Variants in HEPH observed in about 807,000 individuals in gnomAD.
HEPH encodes the protein hephaestin.
In HEPH, 69 loss-of-function variants were observed where a neutral mutation model predicts 80.8. That is an observed-to-expected ratio of 0.85 (90% CI 0.70 to 1.04). HEPH has a LOEUF of 1.04. Among genes scored for constraint, HEPH ranks in the 50% least tolerant of loss-of-function variants. The pLI is 0.00. For missense variants in HEPH, 1,115 were observed against 891.3 expected (o/e 1.25, Z -3.20); for synonymous variants, 431 against 322.8 (o/e 1.34, Z -3.60).
At chrX:66,255,180 C>T in intron 16 of HEPH, 39 bp downstream of exon 16, 1 of 960,627 alleles carries the variant, frequency 1.0e-6, no homozygotes, top group Non-Finnish European at 1.5e-6. Flanking sequence ...GGGTCAAACT[C>T]CCTGGCAAAA....
At chrX:66,239,381 A>C (rs707302) in intron 15 of HEPH, among the ~76,000 whole-genome samples, 41,520 of 110,388 alleles carry the variant, frequency 0.38, 9,356 homozygotes, top group African/African-American at 0.86. Flanking sequence ...AGTATCTTCC[A>C]TTTGAATACT....
chrX:66,260,016 A>C, intron 18 of HEPH, 84 bp from the exon 19 acceptor site: 1 of 840,549 alleles, frequency 1.2e-6, no homozygotes, highest in Non-Finnish European at 1.8e-6. Context: ...TAATGTGGAC[A>C]TCACAATTTT....
At chrX:66,209,897 A>G (rs1460867965) in intron 15 of HEPH, among the ~76,000 whole-genome samples, 3 of 111,415 alleles carry the variant, frequency 2.7e-5, no homozygotes, top group African/African-American at 9.8e-5. Context: ...AGTTGATCAA[A>G]TATAGGTATC....
chrX:66,238,666 C>T (rs181359662), intron 15 of HEPH, among the ~76,000 whole-genome samples: 1 of 111,811 alleles, frequency 8.9e-6, no homozygotes, highest in African/African-American at 3.2e-5. Flanking sequence ...TTCTGTCTAG[C>T]TGCATTTAAC....
intron 15 of HEPH, among the ~76,000 whole-genome samples, chrX:66,222,911 G>T (rs2089713899): frequency 8.9e-6 from 1 of 112,040 alleles, no homozygotes; most frequent in Non-Finnish European, 1.9e-5. Flanking sequence ...AGAAGAAAGA[G>T]CAATAGAATA....
In HEPH at chrX:66,263,579, G is replaced by A. The variant is rs754088667; in HGVS notation, c.3200-65G>A. ...CTGCAACCAATGTTGACCTTTCATA[G>A]GGGGCCTATGGATTGGTAGGAAGAA... On this transcript the variant is annotated intron_variant, in intron 19 of 20. Transcript: ENST00000343002. The A allele has an allele frequency of 1.1e-4, 124 of 1,123,351 alleles. 2 individuals are homozygous for A. In the South Asian group the frequency reaches 1.9e-3, roughly 17 times the overall value. 92.6% of individuals were successfully genotyped at this position (1,123,351 alleles called of 1,213,427 possible).
intron 18 of HEPH, among the ~76,000 whole-genome samples, chrX:66,259,364 T>C (rs768569861): frequency 5.4e-5 from 6 of 111,614 alleles, no homozygotes; most frequent in Non-Finnish European, 9.4e-5. Flanking sequence ...ACTTAGGGGG[T>C]ACATGGAACA....
intron 15 of HEPH, among the ~76,000 whole-genome samples, chrX:66,224,552 C>G (rs1348023306): frequency 8.9e-6 from 1 of 112,216 alleles, no homozygotes; most frequent in African/African-American, 3.2e-5. Context: ...GAGGTTTCCT[C>G]TAAAAGTTAT....
At chrX:66,238,962 T>C (rs1344929573) in intron 15 of HEPH, among the ~76,000 whole-genome samples, 1 of 112,664 alleles carries the variant, frequency 8.9e-6, no homozygotes, top group African/African-American at 3.2e-5. Context: ...GCTCATGCTA[T>C]TGTTTGTGGT....
intron 15 of HEPH, among the ~76,000 whole-genome samples, chrX:66,219,057 T>G (rs1344396018): frequency 8.9e-6 from 1 of 112,165 alleles, no homozygotes; most frequent in African/African-American, 3.2e-5. Context: ...GAGTTCTCAC[T>G]TTCATTCTCA....
At chrX:66,264,105 G>A (rs2091452386) in intron 20 of HEPH, among the ~76,000 whole-genome samples, 2 of 109,916 alleles carry the variant, frequency 1.8e-5, no homozygotes, top group South Asian at 7.8e-4. Flanking sequence ...GAAGCAAGGA[G>A]AGTAGAAGGG....
intron 15 of HEPH, among the ~76,000 whole-genome samples, chrX:66,247,783 A>T (rs1602514465): frequency 9.0e-6 from 1 of 111,725 alleles, no homozygotes; most frequent in African/African-American, 3.2e-5. Context: ...GTTCGATAGA[A>T]ATGTGTGACT....
At chrX:66,230,345 C>T (rs1291960673) in intron 15 of HEPH, among the ~76,000 whole-genome samples, 12 of 99,873 alleles carry the variant, frequency 1.2e-4, no homozygotes, top group Non-Finnish European at 2.1e-4. Context: ...CCTGAGGAAT[C>T]GCCACACTGA....
chrX:66,203,156 T>C (rs1359837318), intron 12 of HEPH, among the ~76,000 whole-genome samples: 1 of 109,970 alleles, frequency 9.1e-6, no homozygotes, highest in Admixed American at 9.7e-5. Flanking sequence ...TGTATGTAGC[T>C]TTGGAGCCGG....
At chrX:66,206,422 G>T (rs1288878743) in intron 13 of HEPH, among the ~76,000 whole-genome samples, 1 of 84,669 alleles carries the variant, frequency 1.2e-5, no homozygotes, top group African/African-American at 4.7e-5. Context: ...GAGTGCAGTG[G>T]CATGATCTTG....
In HEPH at chrX:66,266,935, T is replaced by C. The variant is rs1265313865; in HGVS notation, c.*263T>C. The stretch of plus-strand genomic sequence containing the variant: ...ATCCTACATCGCAAATTTCAACAGC[T>C]ACATTATATTTCCTTCTGACACTTG... On this transcript the variant is annotated 3_prime_UTR_variant, in exon 21 of 21. Coordinates refer to ENST00000343002, the MANE Select transcript of HEPH (RefSeq NM_001367233.3). 2 of 309,400 alleles carry C rather than the reference T, an allele frequency of 6.5e-6. No individual in the cohort carries two copies. The highest frequency in any genetic ancestry group is 1.1e-4 in the Admixed American group (2 of 18,208). 25.5% of individuals were successfully genotyped at this position (309,400 alleles called of 1,213,427 possible).
chrX:66,250,490 G>A (rs765246421), intron 15 of HEPH, among the ~76,000 whole-genome samples: 13 of 111,449 alleles, frequency 1.2e-4, no homozygotes, highest in Non-Finnish European at 2.5e-4. Context: ...TCAGGAATTA[G>A]AGCAGTTACT....
At chrX:66,220,921 C>A (rs1001143903) in intron 15 of HEPH, among the ~76,000 whole-genome samples, 6 of 110,810 alleles carry the variant, frequency 5.4e-5, no homozygotes, top group African/African-American at 9.9e-5. Flanking sequence ...TTTTTAGATT[C>A]CCGGTACACT....
intron 15 of HEPH, 161 bp downstream of exon 15, chrX:66,208,407 T>A (rs1446154435): frequency 2.1e-6 from 1 of 465,412 alleles, no homozygotes; most frequent in Non-Finnish European, 3.4e-6. Context: ...TCACTTGAGG[T>A]TAGGAGTTCA....
Sources: gnomAD v4.1 joint callset for allele counts (sites outside exome capture counted in the v4.1 genomes callset) on GRCh38, gnomAD v4.1.1 for gene constraint, MANE v1.5 for transcripts, NCBI Gene and HGNC (gene_info 2026-07-23, HGNC 2026-07-21) for gene names.